Variants in ZNF250 observed in about 807,000 individuals in gnomAD.
ZNF250 encodes the protein zinc finger protein (clone 647).
Under a neutral mutation model 37.1 loss-of-function variants are expected in ZNF250, and 13 were observed. That is an observed-to-expected ratio of 0.35 (90% CI 0.23 to 0.56). ZNF250 has a LOEUF of 0.56. Ranked by LOEUF, ZNF250 falls within the 20% of genes least tolerant of loss-of-function variation. The probability of loss-of-function intolerance (pLI) is 0.87; values close to 1 mark genes in which losing one functional copy is unlikely to be tolerated. For missense variants in ZNF250, 474 were observed against 697.9 expected (o/e 0.68, Z 3.61); for synonymous variants, 251 against 265.6 (o/e 0.94, Z 0.54).
chr8:144,893,975 A>G, intron 1 of ZNF250, among the ~76,000 whole-genome samples: 1 of 152,090 alleles, frequency 6.6e-6, no homozygotes, highest in East Asian at 1.9e-4. Context: ...GTGAGTCTGA[A>G]AAGTCAGTTG....
At position 144,880,176 on chromosome 8, in the gene ZNF250, C is replaced by G. The variant is rs377521633; in HGVS notation, c.*1339G>C. On this transcript the variant is annotated 3_prime_UTR_variant, in exon 6 of 6. Coordinates refer to ENST00000417550, the MANE Select transcript of ZNF250 (RefSeq NM_001109689.4). Reference sequence around the variant, plus strand: ...CATCATAGTAATATGGCAATGGATACTGGACTCTTGAACCAGGAGTAAAAA... The same window carrying G: ...CATCATAGTAATATGGCAATGGATAGTGGACTCTTGAACCAGGAGTAAAAA... 8.4e-5 allele frequency: 18 copies of G among 214,008 alleles called. No homozygotes were observed. Among genetic ancestry groups the G allele is most frequent in the East Asian group, 8.2e-4 (8 of 9,784 alleles). 13.3% of individuals were successfully genotyped at this position (214,008 alleles called of 1,614,324 possible). A position where few individuals can be genotyped will look rare whatever the true frequency, so the allele number is the denominator to read the frequency against.
chr8:144,894,120 C>A (rs926216477), intron 1 of ZNF250, among the ~76,000 whole-genome samples: 1 of 152,042 alleles, frequency 6.6e-6, no homozygotes, highest in Non-Finnish European at 1.5e-5. Context: ...ATCATTTCTA[C>A]CCCCAGCTTG....
rs1832826853 is a variant in ZNF250 at position 144,897,919 on chromosome 8, G to GCCGGCCAGGTGTTCCTTGC, written c.-55+3461_-55+3479dup. Among the ~76,000 whole-genome samples, 1 of 152,216 alleles carries GCCGGCCAGGTGTTCCTTGC rather than the reference G, an allele frequency of 6.6e-6. No homozygotes were observed. Among genetic ancestry groups the GCCGGCCAGGTGTTCCTTGC allele is most frequent in the Admixed American group, 6.5e-5 (1 of 15,278 alleles). On this transcript the variant is annotated intron_variant, in intron 1 of 5. Coordinates refer to ENST00000417550, the MANE Select transcript of ZNF250 (RefSeq NM_001109689.4). This position sits in a 1 kb window ranked among gnomAD's most constrained non-coding sequence, Gnocchi z 5.2. ...GCCTTTAAGGGGTTTTCCACCCTGG[G>GCCGGCCAGGTGTTCCTTGC]CCGGCCAGGTGTTCCTTGCCCTCAT... is the stretch of plus-strand genomic sequence containing the variant.
chr8:144,888,544 C>T (rs1393401321), intron 4 of ZNF250, among the ~76,000 whole-genome samples: 1 of 149,208 alleles, frequency 6.7e-6, no homozygotes, highest in Non-Finnish European at 1.5e-5. Context: ...TTGCAGTGAC[C>T]CGAGACTCAT....
chr8:144,884,218 A>G (rs993182312), intron 5 of ZNF250, among the ~76,000 whole-genome samples: 2 of 152,206 alleles, frequency 1.3e-5, no homozygotes, highest in Non-Finnish European at 2.9e-5. Context: ...TTAAGTTAAA[A>G]TACCATAGTT....
At chr8:144,895,459 G>A (rs1000729918) in intron 1 of ZNF250, among the ~76,000 whole-genome samples, 1 of 152,174 alleles carries the variant, frequency 6.6e-6, no homozygotes, top group South Asian at 2.1e-4. Context: ...TGAAGGCCTG[G>A]AGATCATGTG....
In ZNF250 at chr8:144,882,082, A is replaced by G; in HGVS notation, c.1101T>C (p.Cys367=). 1.2e-6 allele frequency: 2 copies of G among 1,613,900 alleles called. No individual in the cohort carries two copies. Among genetic ancestry groups the G allele is most frequent in the Non-Finnish European group, 1.7e-6 (2 of 1,179,952 alleles). Residue 367 remains cysteine (C), a synonymous_variant, in exon 6 of 6, where the codon TGT becomes TGC. Coordinates refer to ENST00000417550, the MANE Select transcript of ZNF250 (RefSeq NM_001109689.4). The surrounding 1 kb of genome is among the most constrained non-coding windows in gnomAD (Gnocchi z 5.5). ...TGEKPYTCSE[C]GKAFSDRSVL... is the part of the protein sequence containing the mutation. ...CTGAGCGGTCGCTGAAGGCCTTCCC[A>G]CACTCGCTGCACGTGTAGGGCTTCT...
At chr8:144,884,605 TCTC>T (rs796162334) in intron 5 of ZNF250, among the ~76,000 whole-genome samples, 35 of 152,328 alleles carry the variant, frequency 2.3e-4, no homozygotes, top group African/African-American at 7.5e-4. Context: ...CTGTGAAGAT[TCTC>T]CTATGTTTCC....
At chr8:144,887,144 G>A (rs533763118) in intron 4 of ZNF250, among the ~76,000 whole-genome samples, 1 of 150,862 alleles carries the variant, frequency 6.6e-6, no homozygotes, top group South Asian at 2.1e-4. Flanking sequence ...CCACTACTAG[G>A]GAAGCTGAGG....
chr8:144,895,292 C>G (rs893135863), intron 1 of ZNF250: 3 of 152,194 alleles, frequency 2.0e-5, no homozygotes, highest in African/African-American at 7.2e-5. Context: ...GAAAATGCAG[C>G]ATGGGGCCAG....
rs1475860980 is a variant in ZNF250, at chr8:144,882,543, G to A, written c.640C>T (p.Arg214Cys). The A allele has an allele frequency of 1.2e-6, 2 of 1,614,112 alleles. No homozygotes were observed. The highest frequency in any genetic ancestry group is 1.7e-6 in the Non-Finnish European group (2 of 1,180,036). ...GRSSHLLQHQ[R>C]IHTGEKPYVC... ...TAGGGCTTCTCTCCAGTGTGGATACGCTGATGCTGAAGGAGGTGGGAACTC... is the reference window on the plus strand; with the variant it reads ...TAGGGCTTCTCTCCAGTGTGGATACACTGATGCTGAAGGAGGTGGGAACTC... Residue 214 changes from arginine to cysteine, a missense_variant, in exon 6 of 6, where the codon CGT becomes TGT. By Grantham distance (180) the Arg-to-Cys change is radical (BLOSUM62 -3). Coordinates refer to ENST00000417550, the MANE Select transcript of ZNF250 (RefSeq NM_001109689.4). This position sits in a 1 kb window ranked among gnomAD's most constrained non-coding sequence, Gnocchi z 5.5.
chr8:144,895,041 A>G (rs1832617792), intron 1 of ZNF250: 1 of 152,170 alleles, frequency 6.6e-6, no homozygotes, highest in Non-Finnish European at 1.5e-5. Flanking sequence ...CGGAGTCAAC[A>G]CTTTAAACTG....
At position 144,890,286 on chromosome 8, in the gene ZNF250, A is replaced by G; in HGVS notation, c.42+22T>C. 2 of 1,548,860 alleles carry G rather than the reference A, an allele frequency of 1.3e-6. No individual in the cohort carries two copies. ...ACAGGGCTCGGGCTGGGGGCACTGC[A>G]TAAGCACTGGGGACAGCTTACCTGG... is the stretch of plus-strand genomic sequence containing the variant. On this transcript the variant is annotated intron_variant, in intron 2 of 5. Coordinates refer to ENST00000417550, the MANE Select transcript of ZNF250 (RefSeq NM_001109689.4). This position sits in a 1 kb window ranked among gnomAD's most constrained non-coding sequence, Gnocchi z 5.1.
chr8:144,898,879 G>A (rs910287970), intron 1 of ZNF250, among the ~76,000 whole-genome samples: 19 of 152,132 alleles, frequency 1.2e-4, no homozygotes, highest in African/African-American at 3.9e-4. Context: ...TCCACTGCTT[G>A]TTATATACCC....
intron 4 of ZNF250, among the ~76,000 whole-genome samples, chr8:144,887,741 G>A (rs1421747662): frequency 6.6e-6 from 1 of 152,194 alleles, no homozygotes; most frequent in Non-Finnish European, 1.5e-5. Flanking sequence ...GTCTCCTACA[G>A]CTGCAGTCAG....
At position 144,882,348 on chromosome 8, in the gene ZNF250, C is replaced by G. The variant is rs143751966; in HGVS notation, c.835G>C (p.Glu279Gln). Residue 279 changes from glutamate to glutamine, a missense_variant, in exon 6 of 6, where the codon GAA (glutamate) becomes CAA (glutamine). Glu to Gln is a conservative substitution (Grantham distance 29). This residue lies in a region of ZNF250 where 282 missense variants were observed against 470.4 expected (regional missense o/e 0.60). Coordinates refer to ENST00000417550, the MANE Select transcript of ZNF250 (RefSeq NM_001109689.4). This position sits in a 1 kb window ranked among gnomAD's most constrained non-coding sequence, Gnocchi z 5.5. Reference sequence around the variant, plus strand: ...AAGGCTTTCCGACACTCAAGACATTCGTGAGGCTTCTCTCCTGTATGTATC... The same window carrying G: ...AAGGCTTTCCGACACTCAAGACATTGGTGAGGCTTCTCTCCTGTATGTATC... ...HKIHTGEKPH[E>Q]CLECRKAFTQ... The G allele has an allele frequency of 6.8e-6, 11 of 1,613,838 alleles. No individual in the cohort carries two copies. In the South Asian group the frequency reaches 1.2e-4, roughly 18 times the overall value.
intron 4 of ZNF250, among the ~76,000 whole-genome samples, chr8:144,888,576 C>T (rs1460802549): frequency 4.1e-5 from 5 of 123,370 alleles, no homozygotes; most frequent in East Asian, 2.5e-4. Flanking sequence ...CCAGCCTGGG[C>T]GACAGAGCAA....
chr8:144,880,487 A>G lies in ZNF250; in HGVS notation c.*1028T>C, dbSNP rs760093022. 10 of 456,644 alleles carry G rather than the reference A, an allele frequency of 2.2e-5. No homozygotes were observed. Among genetic ancestry groups the G allele is most frequent in the Non-Finnish European group, 4.4e-5 (10 of 226,990 alleles). 28.3% of individuals were successfully genotyped at this position (456,644 alleles called of 1,614,324 possible). A position where few individuals can be genotyped will look rare whatever the true frequency, so the allele number is the denominator to read the frequency against. ...CAGGTCATAAGGGCAAGTTTTGAGG[A>G]AAATACCCATTTTTGAGTTGAATTT... On this transcript the variant is annotated 3_prime_UTR_variant, in exon 6 of 6. Transcript: ENST00000417550.
chr8:144,891,659 C>G lies in ZNF250; in HGVS notation c.-54-1256G>C, dbSNP rs1832348465. ...CCGAGGTTGGGAGTTCGAGACCAGCCATGACCAACATGGGGAAACCCCGTC... is the reference window on the plus strand; with the variant it reads ...CCGAGGTTGGGAGTTCGAGACCAGCGATGACCAACATGGGGAAACCCCGTC... On this transcript the variant is annotated intron_variant, in intron 1 of 5. Coordinates refer to ENST00000417550, the MANE Select transcript of ZNF250 (RefSeq NM_001109689.4). The surrounding 1 kb of genome is among the most constrained non-coding windows in gnomAD (Gnocchi z 4.0). Among the ~76,000 whole-genome samples the G allele has an allele frequency of 6.6e-6, 1 of 152,022 alleles. No homozygotes were observed. The highest frequency in any genetic ancestry group is 1.9e-4 in the East Asian group (1 of 5,176).
Sources: gnomAD v4.1 joint callset for allele counts (sites outside exome capture counted in the v4.1 genomes callset) on GRCh38, gnomAD v4.1.1 for gene constraint, gnomAD v4.1.1 regional missense constraint, Gnocchi (gnomAD v3.1) non-coding constraint, MANE v1.5 for transcripts, NCBI Gene and HGNC (gene_info 2026-07-23, HGNC 2026-07-21) for gene names.